The following NCOR2 variants were observed in gnomAD, a reference collection of about 807,000 sequenced individuals.
NCOR2 encodes the protein nuclear receptor corepressor 2.
A neutral mutation model predicts 262.9 loss-of-function variants in NCOR2; 81 were observed. The observed-to-expected ratio is 0.31, with a 90% CI of 0.26 to 0.37. The LOEUF (loss-of-function observed/expected upper bound fraction) is 0.37, where lower values mean the gene tolerates loss of function less well. Ranked by LOEUF, NCOR2 falls within the 10% of genes least tolerant of loss-of-function variation. NCOR2 has a pLI of 1.00. For synonymous variants in NCOR2, 1,659 were observed against 1,559.3 expected (o/e 1.06, Z -1.51); for missense variants, 3,385 against 3,621.4 (o/e 0.93, Z 1.68).
intron 44 of NCOR2, among the ~76,000 whole-genome samples, chr12:124,330,355 C>T: frequency 6.6e-6 from 1 of 152,238 alleles, no homozygotes; most frequent in East Asian, 1.9e-4. Context: ...CTTAAAAGTG[C>T]GTGTCAATTT....
At chr12:124,333,398 G>T in intron 41 of NCOR2, 119 bp from the exon 44 acceptor site, 1 of 946,722 alleles carries the variant, frequency 1.1e-6, no homozygotes, top group Non-Finnish European at 1.4e-6. Context: ...AATCATAAAC[G>T]TTTTAGGCAT....
chr12:124,506,683 G>T (rs547357348), intron 1 of NCOR2, among the ~76,000 whole-genome samples: 1 of 152,220 alleles, frequency 6.6e-6, no homozygotes, highest in Admixed American at 6.5e-5. Context: ...GCCCCAGGAG[G>T]GACGTGTTTT....
intron 1 of NCOR2, among the ~76,000 whole-genome samples, chr12:124,500,556 G>A (rs553756092): frequency 6.6e-6 from 1 of 152,342 alleles, no homozygotes; most frequent in Admixed American, 6.5e-5. Flanking sequence ...CTGGCACACA[G>A]TAGGTGCACA....
At chr12:124,442,763 A>T (rs1175498310) in intron 7 of NCOR2, among the ~76,000 whole-genome samples, 1 of 152,158 alleles carries the variant, frequency 6.6e-6, no homozygotes, top group Non-Finnish European at 1.5e-5. Flanking sequence ...AGCACCTCAA[A>T]ACATGACCTC....
In NCOR2 at chr12:124,432,045, G is replaced by A. The variant is rs1394265139; in HGVS notation, c.883-1258C>T. Among the ~76,000 whole-genome samples, 1 of 141,968 alleles carries A rather than the reference G, an allele frequency of 7.0e-6. No individual in the cohort carries two copies. 93.1% of individuals were successfully genotyped at this position (141,968 alleles called of 152,430 possible). A position where few individuals can be genotyped will look rare whatever the true frequency, so the allele number is the denominator to read the frequency against. On this transcript the variant is annotated intron_variant, in intron 8 of 46. Coordinates refer to ENST00000405201, the Ensembl canonical transcript of NCOR2. This position sits in a 1 kb window ranked among gnomAD's most constrained non-coding sequence, Gnocchi z 5.1. ...GACACACACACAGTCCATCACACAGGCAGGCAGGCAGACACACAGGCGGTC... is the reference window on the plus strand; with the variant it reads ...GACACACACACAGTCCATCACACAGACAGGCAGGCAGACACACAGGCGGTC...
intron 16 of NCOR2, among the ~76,000 whole-genome samples, chr12:124,390,532 C>T (rs1474261156): frequency 3.3e-5 from 5 of 151,094 alleles, no homozygotes; most frequent in East Asian, 2.0e-4. Flanking sequence ...TAGCTTTCAC[C>T]GCCTCTGAAA....
chr12:124,450,978 T>A (rs372072621), intron 6 of NCOR2, among the ~76,000 whole-genome samples: 1 of 152,378 alleles, frequency 6.6e-6, no homozygotes, highest in African/African-American at 2.4e-5. Flanking sequence ...CCAGTCACAT[T>A]GCCGCCATCA....
chr12:124,456,810 ACT>A (rs2045890578), intron 6 of NCOR2, among the ~76,000 whole-genome samples: 1 of 151,874 alleles, frequency 6.6e-6, no homozygotes, highest in Non-Finnish European at 1.5e-5. Context: ...CGGATGTGTG[ACT>A]CTCCTCACAG....
At chr12:124,333,193 G>A (rs1305192306) in exon 42 of NCOR2, 1 of 1,613,110 alleles carries the variant, frequency 6.2e-7, no homozygotes, top group Non-Finnish European at 8.5e-7. Flanking sequence ...GGAGTGCCCT[G>A]GCTCCGTCAT....
intron 1 of NCOR2, among the ~76,000 whole-genome samples, chr12:124,552,975 C>A (rs186086407): frequency 3.9e-4 from 60 of 152,318 alleles, no homozygotes; most frequent in Middle Eastern, 3.4e-3. Flanking sequence ...CGTGAGCCAC[C>A]GTGCCCAGCC....
At chr12:124,431,190 A>G (rs2043896960) in intron 8 of NCOR2, among the ~76,000 whole-genome samples, 1 of 146,702 alleles carries the variant, frequency 6.8e-6, no homozygotes. Flanking sequence ...TCACACAGAC[A>G]TGCACACACA....
chr12:124,386,289 A>G (rs1044081177), intron 16 of NCOR2, among the ~76,000 whole-genome samples: 1 of 152,024 alleles, frequency 6.6e-6, no homozygotes, highest in Non-Finnish European at 1.5e-5. Context: ...GGCCTGGCCT[A>G]CGTGACCCAG....
At chr12:124,423,156 G>A (rs1403214481) in intron 11 of NCOR2, among the ~76,000 whole-genome samples, 2 of 152,226 alleles carry the variant, frequency 1.3e-5, no homozygotes, top group Non-Finnish European at 2.9e-5. Flanking sequence ...TGCGTAGCCA[G>A]GAGAATTACT....
At chr12:124,456,035 C>G (rs2045831374) in intron 6 of NCOR2, among the ~76,000 whole-genome samples, 1 of 152,152 alleles carries the variant, frequency 6.6e-6, no homozygotes, top group Admixed American at 6.5e-5. Flanking sequence ...ATCACCACAC[C>G]TGGTGAATTT....
intron 16 of NCOR2, among the ~76,000 whole-genome samples, chr12:124,388,366 C>T (rs2040973589): frequency 6.6e-6 from 1 of 152,126 alleles, no homozygotes; most frequent in Admixed American, 6.5e-5. Context: ...AGACTTTCTA[C>T]CCTACCGTGC....
chr12:124,492,485 A>G (rs988524903), intron 1 of NCOR2, among the ~76,000 whole-genome samples: 4 of 152,280 alleles, frequency 2.6e-5, no homozygotes, highest in Non-Finnish European at 5.9e-5. Flanking sequence ...GAGCTGTCCC[A>G]GGAGGTAGGC....
intron 17 of NCOR2, 46 bp downstream of exon 19, chr12:124,385,699 T>C (rs1402093271): frequency 1.2e-6 from 2 of 1,604,232 alleles, no homozygotes; most frequent in Non-Finnish European, 8.5e-7. Context: ...TCTGGGCTCC[T>C]CTCCCAGCTT....
intron 22 of NCOR2, among the ~76,000 whole-genome samples, chr12:124,360,118 A>T (rs2038421463): frequency 6.6e-6 from 1 of 152,192 alleles, no homozygotes; most frequent in Non-Finnish European, 1.5e-5. Flanking sequence ...GGCACCGTGC[A>T]GTTCCAGCCC....
At chr12:124,479,763 G>A (rs569544868) in intron 3 of NCOR2, among the ~76,000 whole-genome samples, 1 of 152,382 alleles carries the variant, frequency 6.6e-6, no homozygotes, top group East Asian at 1.9e-4. Flanking sequence ...GGCAGAGGGA[G>A]GAGGGCACCC....
Sources: allele counts gnomAD v4.1 joint callset (sites outside exome capture counted in the v4.1 genomes callset), GRCh38; gene constraint gnomAD v4.1.1; non-coding constraint Gnocchi (gnomAD v3.1); transcripts MANE v1.5; gene names NCBI Gene and HGNC (gene_info 2026-07-23, HGNC 2026-07-21).